Variants in SLFN12 observed in about 807,000 individuals in gnomAD.
The protein encoded by SLFN12 is ribonuclease SLFN12.
In SLFN12, 25 loss-of-function variants were observed where a neutral mutation model predicts 29.1. The ratio of observed to expected loss-of-function variants is 0.86; its 90% confidence interval spans 0.63 to 1.20. The LOEUF is 1.20. Ranked by LOEUF, SLFN12 falls within the 50% of genes most tolerant of loss-of-function variation. The pLI, the probability that SLFN12 is intolerant of heterozygous loss-of-function variation, is 0.00. For synonymous variants in SLFN12, 257 were observed against 238.7 expected (o/e 1.08, Z -0.71); for missense variants, 660 against 666.2 (o/e 0.99, Z 0.10).
intron 1 of SLFN12, among the ~76,000 whole-genome samples, chr17:35,427,080 T>G (rs1015928533): frequency 9.0e-4 from 137 of 152,256 alleles, no homozygotes; most frequent in African/African-American, 3.2e-3. Context: ...CCAGACAGGT[T>G]ACAACATTGA....
At position 35,422,654 on chromosome 17, in the gene SLFN12, A is replaced by G. The variant is rs1021061971; in HGVS notation, c.375T>C (p.Asn125=). The part of the protein sequence containing the change: ...SGLRITTLSS[N]LYKRDITSAK... The stretch of plus-strand genomic sequence containing the variant: ...CAGATGTTATATCTCTTTTGTACAA[A>G]TTGGAGCTCAAGGTGGTAATCCGCA... Residue 125 remains asparagine (N), a synonymous_variant, in exon 2 of 4, where the codon AAT becomes AAC. Transcript: ENST00000304905. The G allele has an allele frequency of 1.1e-5, 18 of 1,613,850 alleles. No individual in the cohort carries two copies. The highest frequency in any genetic ancestry group is 1.5e-5 in the Non-Finnish European group (18 of 1,179,884).
chr17:35,416,949 G>A (rs1911352815), intron 3 of SLFN12, among the ~76,000 whole-genome samples: 1 of 152,028 alleles, frequency 6.6e-6, no homozygotes, highest in Non-Finnish European at 1.5e-5. Flanking sequence ...CCCACAAAAG[G>A]AAGACAAACC....
intron 1 of SLFN12, among the ~76,000 whole-genome samples, chr17:35,431,295 C>G (rs1912303901): frequency 6.6e-6 from 1 of 152,116 alleles, no homozygotes; most frequent in Non-Finnish European, 1.5e-5. Flanking sequence ...CTTCCTCGCA[C>G]TTCAAAGAAC....
At chr17:35,431,801 G>A (rs1358516976) in intron 1 of SLFN12, 1 of 152,148 alleles carries the variant, frequency 6.6e-6, no homozygotes, top group Non-Finnish European at 1.5e-5. Context: ...TGAAATGGAG[G>A]CTAGGTGGGT....
At position 35,422,334 on chromosome 17, in the gene SLFN12, G is replaced by T; in HGVS notation, c.695C>A (p.Thr232Asn). ...LPQYVSAFAN[T>N]DGGYLFIGLN... ...ACCAATGAACAAATATCCTCCATCA[G>T]TATTTGCAAATGCAGAAACATATTG... Residue 232 changes from threonine (T) to asparagine (N), a missense_variant, in exon 2 of 4, where the codon ACT becomes AAT. Coordinates refer to ENST00000304905, the MANE Select transcript of SLFN12 (RefSeq NM_018042.5). 4 of 1,613,970 alleles carry T rather than the reference G, an allele frequency of 2.5e-6. No homozygotes were observed. The highest frequency in any genetic ancestry group is 3.4e-6 in the Non-Finnish European group (4 of 1,179,974).
intron 1 of SLFN12, among the ~76,000 whole-genome samples, chr17:35,426,630 T>C (rs939849927): frequency 6.6e-6 from 1 of 152,166 alleles, no homozygotes; most frequent in Non-Finnish European, 1.5e-5. Flanking sequence ...TTTTCTGTTG[T>C]GTGTATGCTT....
rs926614492 is a variant in SLFN12 at position 35,422,508 on chromosome 17, T to G, written c.521A>C (p.Glu174Ala). 9.3e-6 allele frequency: 15 copies of G among 1,613,550 alleles called. No individual in the cohort carries two copies. In the African/African-American group the frequency reaches 1.7e-4, roughly 19 times the overall value. The stretch of plus-strand genomic sequence containing the variant: ...CCCGGCCAAGGCCTTCATGTTATTT[T>G]CTTCTTGTATATCAACACAGGGCCT... The part of the protein sequence containing the change: ...AKRPCVDIQE[E>A]NNMKALAGVF... Residue 174 changes from glutamate to alanine, a missense_variant, in exon 2 of 4, where the codon GAA becomes GCA. Physicochemically the swap from Glu to Ala is moderately radical, Grantham distance 107 (BLOSUM62 -1). Transcript: ENST00000304905.
intron 2 of SLFN12, 97 bp from the exon 3 acceptor site, chr17:35,420,478 T>C: frequency 1.4e-6 from 1 of 724,462 alleles, no homozygotes; most frequent in Non-Finnish European, 2.2e-6. Context: ...TTGTAACTGA[T>C]TCTGTTTTCC....
chr17:35,413,625 T>C (rs1911158122), intron 3 of SLFN12, among the ~76,000 whole-genome samples: 1 of 151,698 alleles, frequency 6.6e-6, no homozygotes, highest in Non-Finnish European at 1.5e-5. Context: ...GGCAGGCACC[T>C]GTAATCCCAG....
At chr17:35,419,982 A>G (rs1458334463) in intron 3 of SLFN12, among the ~76,000 whole-genome samples, 1 of 152,178 alleles carries the variant, frequency 6.6e-6, no homozygotes, top group African/African-American at 2.4e-5. Context: ...GTGGGCCTCA[A>G]TCTAGACTGC....
In SLFN12 at chr17:35,411,140, A is replaced by C; in HGVS notation, c.*198T>G. 1 of 478,658 alleles carries C rather than the reference A, an allele frequency of 2.1e-6. No homozygotes were observed. The highest frequency in any genetic ancestry group is 3.7e-6 in the Non-Finnish European group (1 of 272,294). 29.7% of individuals were successfully genotyped at this position (478,658 alleles called of 1,614,324 possible). A position where few individuals can be genotyped will look rare whatever the true frequency, so the allele number is the denominator to read the frequency against. On this transcript the variant is annotated 3_prime_UTR_variant, in exon 4 of 4. Transcript: ENST00000304905. ...TAATACTGTGCACAGACGAGTTAAC[A>C]AATTAATTTTCCTAATATCCCTCAA...
At chr17:35,413,912 G>A (rs950772732) in intron 3 of SLFN12, among the ~76,000 whole-genome samples, 10 of 151,788 alleles carry the variant, frequency 6.6e-5, no homozygotes, top group Admixed American at 2.6e-4. Flanking sequence ...TACAGAAAAA[G>A]CATTTTACAA....
At chr17:35,421,658 G>A (rs1335908915) in intron 2 of SLFN12, among the ~76,000 whole-genome samples, 1 of 149,906 alleles carries the variant, frequency 6.7e-6, no homozygotes, top group East Asian at 2.0e-4. Flanking sequence ...TCCTGCCTCA[G>A]CCTCCTGAGT....
Position 35,411,347 on chromosome 17 carries a change from C to T in SLFN12, c.1728G>A (p.Arg576=), listed in dbSNP as rs764550198. The T allele has an allele frequency of 4.6e-6, 7 of 1,537,134 alleles. No homozygotes were observed. Among genetic ancestry groups the T allele is most frequent in the Non-Finnish European group, 5.2e-6 (6 of 1,144,470 alleles). The change falls in exon 4 of 4, where the codon AGG becomes AGA. Residue 576 remains arginine (R), a synonymous_variant. Transcript: ENST00000304905. ...CCCAGTCCATTTTCCATCAGGTGAG[C>T]CTTCGACAAGATTTAAACATCTTTT... is the stretch of plus-strand genomic sequence containing the variant. The part of the protein sequence containing the change: ...NDKKMFKSCR[R]LT
At chr17:35,415,835 A>G (rs751390136) in intron 3 of SLFN12, among the ~76,000 whole-genome samples, 6 of 152,192 alleles carry the variant, frequency 3.9e-5, no homozygotes, top group Non-Finnish European at 8.8e-5. Context: ...AAGAATGGCC[A>G]TAATTAAAAG....
chr17:35,420,581 C>T (rs1360005462), intron 2 of SLFN12, 200 bp from the exon 3 acceptor site: 1 of 394,098 alleles, frequency 2.5e-6, no homozygotes, highest in Admixed American at 4.3e-5. Flanking sequence ...CACTATATTT[C>T]AAATGAAAAT....
chr17:35,429,226 G>T (rs1912176678), intron 1 of SLFN12, among the ~76,000 whole-genome samples: 2 of 151,946 alleles, frequency 1.3e-5, no homozygotes, highest in African/African-American at 4.8e-5. Flanking sequence ...GATTAAGGAG[G>T]GTGCTCATAC....
intron 1 of SLFN12, among the ~76,000 whole-genome samples, chr17:35,428,413 T>C (rs368229553): frequency 6.6e-6 from 1 of 152,062 alleles, no homozygotes; most frequent in African/African-American, 2.4e-5. Context: ...GGATGTGGTC[T>C]AAAAGCTGTT....
At chr17:35,421,411 A>C (rs1446115523) in intron 2 of SLFN12, among the ~76,000 whole-genome samples, 1 of 151,738 alleles carries the variant, frequency 6.6e-6, no homozygotes, top group Non-Finnish European at 1.5e-5. Flanking sequence ...CGTGGTAGGG[A>C]AGAAACTTCC....
Sources: gnomAD v4.1 joint callset for allele counts (sites outside exome capture counted in the v4.1 genomes callset) on GRCh38, gnomAD v4.1.1 for gene constraint, MANE v1.5 for transcripts, NCBI Gene and HGNC (gene_info 2026-07-23, HGNC 2026-07-21) for gene names.